The following CMSS1 variants were observed in gnomAD, a reference collection of about 807,000 sequenced individuals.
The protein encoded by CMSS1 is protein CMSS1.
A neutral mutation model predicts 43.5 loss-of-function variants in CMSS1; 33 were observed. That is an observed-to-expected ratio of 0.76 (90% CI 0.57 to 1.01). The LOEUF (loss-of-function observed/expected upper bound fraction) is 1.01, where lower values mean the gene tolerates loss of function less well. CMSS1 is among the 50% of genes least tolerant of loss of function. The probability of loss-of-function intolerance (pLI) is 0.00; values close to 1 mark genes in which losing one functional copy is unlikely to be tolerated. For missense variants in CMSS1, 313 were observed against 326.4 expected (o/e 0.96, Z 0.32); for synonymous variants, 115 against 117.2 (o/e 0.98, Z 0.12).
intron 1 of CMSS1, among the ~76,000 whole-genome samples, chr3:99,847,673 A>G (rs1455782579): frequency 1.3e-5 from 2 of 152,354 alleles, no homozygotes; most frequent in Non-Finnish European, 2.9e-5. Flanking sequence ...ATACTGAAAT[A>G]TATCCCAAGC....
intron 1 of CMSS1, among the ~76,000 whole-genome samples, chr3:100,060,814 C>T (rs6790877): frequency 0.18 from 28,127 of 152,100 alleles, 2,942 homozygotes; most frequent in South Asian, 0.25. Flanking sequence ...AAGCCAAGAT[C>T]ACACACCACT....
chr3:99,837,676 TCTC>T (rs1411171492), intron 1 of CMSS1, among the ~76,000 whole-genome samples: 1 of 152,184 alleles, frequency 6.6e-6, no homozygotes, highest in African/African-American at 2.4e-5. Flanking sequence ...CCCCAACACT[TCTC>T]CTTCTGACCT....
intron 1 of CMSS1, among the ~76,000 whole-genome samples, chr3:100,110,667 G>T (rs929586502): frequency 2.6e-5 from 4 of 152,106 alleles, no homozygotes; most frequent in Non-Finnish European, 5.9e-5. Flanking sequence ...AAATCCATCA[G>T]AAAAACCTTC....
At chr3:100,136,085 T>C (rs139439789) in intron 1 of CMSS1, among the ~76,000 whole-genome samples, 1 of 152,260 alleles carries the variant, frequency 6.6e-6, no homozygotes, top group African/African-American at 2.4e-5. Context: ...CACTCTCCTT[T>C]CCAGTTCAGA....
intron 1 of CMSS1, among the ~76,000 whole-genome samples, chr3:100,105,212 T>C (rs904204486): frequency 6.6e-6 from 1 of 152,194 alleles, no homozygotes; most frequent in South Asian, 2.1e-4. Context: ...ATTTAGTAGA[T>C]AATGTATTCT....
intron 1 of CMSS1, among the ~76,000 whole-genome samples, chr3:100,009,204 T>A (rs1352809407): frequency 6.6e-6 from 1 of 152,170 alleles, no homozygotes. Flanking sequence ...TTGCCTCCTG[T>A]TTGAAGAAAT....
chr3:100,053,245 G>T (rs1227286338), intron 1 of CMSS1, among the ~76,000 whole-genome samples: 1 of 152,120 alleles, frequency 6.6e-6, no homozygotes, highest in Non-Finnish European at 1.5e-5. Flanking sequence ...CACAAATTGG[G>T]TGATTTATAA....
intron 1 of CMSS1, among the ~76,000 whole-genome samples, chr3:99,967,865 A>C (rs1157176447): frequency 6.6e-6 from 1 of 152,226 alleles, no homozygotes; most frequent in Non-Finnish European, 1.5e-5. Flanking sequence ...CAACATGCTC[A>C]GGAAAGTTAA....
At chr3:100,159,096 CA>C (rs2067001257) in intron 2 of CMSS1, among the ~76,000 whole-genome samples, 1 of 152,204 alleles carries the variant, frequency 6.6e-6, no homozygotes, top group Admixed American at 6.5e-5. Flanking sequence ...GGCCTTGGCA[CA>C]GTCTCTAATT....
At chr3:99,999,270 G>A (rs1204865819) in intron 1 of CMSS1, among the ~76,000 whole-genome samples, 3 of 152,136 alleles carry the variant, frequency 2.0e-5, no homozygotes, top group Non-Finnish European at 4.4e-5. Flanking sequence ...AAAAAGAGGG[G>A]CACTGTCTCA....
At chr3:100,037,237 T>A (rs1248682839) in intron 1 of CMSS1, among the ~76,000 whole-genome samples, 2 of 152,082 alleles carry the variant, frequency 1.3e-5, no homozygotes, top group African/African-American at 4.8e-5. Flanking sequence ...ATTGTAATAT[T>A]TAGAGGCAAA....
chr3:99,969,255 T>C (rs1462315435), intron 1 of CMSS1, among the ~76,000 whole-genome samples: 1 of 152,152 alleles, frequency 6.6e-6, no homozygotes, highest in Admixed American at 6.5e-5. Context: ...AATTCTCTTA[T>C]TGAAGTAGAA....
intron 1 of CMSS1, among the ~76,000 whole-genome samples, chr3:99,945,487 G>A (rs749302134): frequency 4.6e-5 from 7 of 152,174 alleles, no homozygotes; most frequent in Non-Finnish European, 7.4e-5. Context: ...AAGGAGGGTG[G>A]CTGCTGCTAG....
intron 4 of CMSS1, 46 bp from the exon 5 acceptor site, chr3:100,166,289 G>A (rs778075300): frequency 1.6e-5 from 20 of 1,226,982 alleles, no homozygotes; most frequent in Non-Finnish European, 2.3e-5. Flanking sequence ...TTGATTGTGT[G>A]TGTGTTTACA....
intron 1 of CMSS1, among the ~76,000 whole-genome samples, chr3:99,828,478 G>A (rs1366045321): frequency 1.4e-5 from 2 of 145,518 alleles, no homozygotes; most frequent in East Asian, 2.0e-4. Flanking sequence ...CACAAACAAG[G>A]TCTTGCTCTG....
At chr3:99,959,598 G>C (rs1239749989) in intron 1 of CMSS1, among the ~76,000 whole-genome samples, 2 of 152,042 alleles carry the variant, frequency 1.3e-5, no homozygotes, top group Non-Finnish European at 2.9e-5. Flanking sequence ...AATTTCTTTA[G>C]CAGTCTGATA....
chr3:99,988,954 C>G lies in CMSS1; in HGVS notation c.65-158019C>G, dbSNP rs558602966. Among the ~76,000 whole-genome samples the G allele has an allele frequency of 2.0e-5, 3 of 152,290 alleles. No individual in the cohort carries two copies. The South Asian group carries it at 6.2e-4, about 32-fold the overall frequency. ...TTTTCAAATTTCTGTACGGAATTATCAGAAGTGTAGTGTGACTGTGTCTAT... is the reference window on the plus strand; with the variant it reads ...TTTTCAAATTTCTGTACGGAATTATGAGAAGTGTAGTGTGACTGTGTCTAT... On this transcript the variant is annotated intron_variant, in intron 1 of 9. Coordinates refer to ENST00000421999, the MANE Select transcript of CMSS1 (RefSeq NM_032359.4).
chr3:99,828,725 G>A (rs1559647451), intron 1 of CMSS1, among the ~76,000 whole-genome samples: 1 of 151,778 alleles, frequency 6.6e-6, no homozygotes. Context: ...CAAAGTGCTG[G>A]GGTTACTGGC....
chr3:99,932,991 G>A (rs1230443644), intron 1 of CMSS1, among the ~76,000 whole-genome samples: 1 of 152,202 alleles, frequency 6.6e-6, no homozygotes, highest in African/African-American at 2.4e-5. Flanking sequence ...CATTTTCCAT[G>A]TATTAGCTCA....
Sources: allele counts gnomAD v4.1 joint callset (sites outside exome capture counted in the v4.1 genomes callset), GRCh38; gene constraint gnomAD v4.1.1; transcripts MANE v1.5; gene names NCBI Gene and HGNC (gene_info 2026-07-23, HGNC 2026-07-21).